NEK11: variants seen among roughly 807,000 people sequenced by gnomAD.
NEK11 encodes serine/threonine-protein kinase Nek11.
A neutral mutation model predicts 80.7 loss-of-function variants in NEK11; 72 were observed. The ratio of observed to expected loss-of-function variants is 0.89; its 90% CI spans 0.74 to 1.08. The LOEUF (loss-of-function observed/expected upper bound fraction) is 1.08, where lower values mean the gene tolerates loss of function less well. NEK11 is among the 50% of genes least tolerant of loss of function. The pLI is 0.00. For synonymous variants in NEK11, 251 were observed against 260.7 expected, an observed-to-expected ratio of 0.96 and a Z score of 0.36; for missense variants, 764 against 763.6, an observed-to-expected ratio of 1.00 and a Z score of -0.01.
At chr3:131,174,699 T>C (rs910110276) in intron 14 of NEK11, 1 of 1,502,010 alleles carries the variant, frequency 6.7e-7, no homozygotes, top group Admixed American at 2.0e-5. Context: ...GCTAATGATA[T>C]CTTGCACATT....
At chr3:131,088,587 T>TA (rs2076322981) in intron 4 of NEK11, among the ~76,000 whole-genome samples, 2 of 152,170 alleles carry the variant, frequency 1.3e-5, no homozygotes, top group African/African-American at 4.8e-5. Flanking sequence ...TGGTTTTTTT[T>TA]TAAAAAACCC....
rs750020337 is a variant in NEK11 at position 131,244,109 on chromosome 3, T to C, written c.1621+613T>C. On this transcript the variant is annotated intron_variant, in intron 16 of 17. Coordinates refer to ENST00000383366, the MANE Select transcript of NEK11 (RefSeq NM_024800.5). ...GAAAAGGGCTGAGATATTTTTTTCT[T>C]CTAAATTTGATTACAAGTTTTTATT... Among the ~76,000 whole-genome samples the C allele has an allele frequency of 4.7e-4, 71 of 151,972 alleles. 1 individual carries two copies. The highest frequency in any genetic ancestry group is 8.8e-5 in the Non-Finnish European group (6 of 67,988).
At chr3:131,265,165 G>T (rs1006617694) in intron 16 of NEK11, among the ~76,000 whole-genome samples, 1 of 152,152 alleles carries the variant, frequency 6.6e-6, no homozygotes, top group Non-Finnish European at 1.5e-5. Context: ...TGCAAACAGA[G>T]ACAATTTGAC....
intron 4 of NEK11, among the ~76,000 whole-genome samples, chr3:131,085,743 T>A (rs2149085568): frequency 6.6e-6 from 1 of 152,284 alleles, no homozygotes; most frequent in Middle Eastern, 3.4e-3. Flanking sequence ...TTAAATACAT[T>A]CCCTAATTTT....
intron 15 of NEK11, among the ~76,000 whole-genome samples, 189 bp downstream of exon 15, chr3:131,228,877 T>A (rs1398330220): frequency 6.6e-6 from 1 of 151,992 alleles, no homozygotes; most frequent in Non-Finnish European, 1.5e-5. Context: ...ATTTGGAGAA[T>A]CTGATCTGGA....
intron 3 of NEK11, among the ~76,000 whole-genome samples, chr3:131,076,263 G>C (rs988392192): frequency 6.6e-6 from 1 of 152,208 alleles, no homozygotes; most frequent in African/African-American, 2.4e-5. Context: ...CATGAAAACA[G>C]CAGTAAGCAA....
At chr3:131,237,262 A>C (rs1385344960) in intron 15 of NEK11, among the ~76,000 whole-genome samples, 1 of 152,096 alleles carries the variant, frequency 6.6e-6, no homozygotes, top group Non-Finnish European at 1.5e-5. Flanking sequence ...CTTGAGCCCA[A>C]GAGGTTGAGG....
intron 3 of NEK11, among the ~76,000 whole-genome samples, chr3:131,069,202 T>A (rs983072208): frequency 6.6e-6 from 1 of 152,162 alleles, no homozygotes; most frequent in African/African-American, 2.4e-5. Context: ...TAATTTTACT[T>A]TAAACAGTGT....
intron 14 of NEK11, among the ~76,000 whole-genome samples, chr3:131,180,987 A>C (rs1036485176): frequency 6.6e-6 from 1 of 152,216 alleles, no homozygotes; most frequent in Admixed American, 6.5e-5. Flanking sequence ...CCAGCTAACG[A>C]AAGTTACTAT....
intron 14 of NEK11, among the ~76,000 whole-genome samples, chr3:131,215,509 A>G (rs989127202): frequency 6.6e-6 from 1 of 152,060 alleles, no homozygotes; most frequent in Non-Finnish European, 1.5e-5. Context: ...TCTCTGGGCA[A>G]GGGGGTTGCC....
chr3:131,057,840 C>G (rs1163214769), intron 3 of NEK11, among the ~76,000 whole-genome samples: 1 of 152,044 alleles, frequency 6.6e-6, no homozygotes, highest in African/African-American at 2.4e-5. Flanking sequence ...TTGTAGGTTG[C>G]CTGTTCACTC....
chr3:131,259,747 A>G (rs1453035619), intron 16 of NEK11, among the ~76,000 whole-genome samples: 1 of 152,080 alleles, frequency 6.6e-6, no homozygotes, highest in Non-Finnish European at 1.5e-5. Context: ...TGCTACTTGG[A>G]GGGGCATGAT....
chr3:131,073,947 G>A (rs2073895669), intron 3 of NEK11, among the ~76,000 whole-genome samples: 2 of 152,120 alleles, frequency 1.3e-5, no homozygotes, highest in South Asian at 4.1e-4. Context: ...GTGAATAATG[G>A]GAATTGGTGG....
intron 4 of NEK11, among the ~76,000 whole-genome samples, chr3:131,097,660 C>T (rs75647538): frequency 6.6e-6 from 1 of 151,466 alleles, no homozygotes; most frequent in Non-Finnish European, 1.5e-5. Context: ...TAAAAGAGGA[C>T]ACAAACAAAT....
intron 3 of NEK11, among the ~76,000 whole-genome samples, chr3:131,050,879 T>TC (rs2068277383): frequency 3.9e-4 from 1 of 2,534 alleles, no homozygotes; most frequent in Non-Finnish European, 3.2e-3. Context: ...TAGTAATAAA[T>TC]AGTGGGCATG....
chr3:131,048,290 C>T (rs1047462461), intron 3 of NEK11, among the ~76,000 whole-genome samples: 29 of 152,168 alleles, frequency 1.9e-4, no homozygotes, highest in Admixed American at 9.2e-4. Flanking sequence ...CCCTATTCGC[C>T]CCCTCCCCCA....
chr3:131,341,623 G>C (rs577719529), intron 17 of NEK11, among the ~76,000 whole-genome samples: 1 of 152,204 alleles, frequency 6.6e-6, no homozygotes, highest in East Asian at 1.9e-4. Context: ...AGCATTGTGA[G>C]AATATATCTG....
chr3:131,046,318 C>T (rs1488917824), intron 3 of NEK11, among the ~76,000 whole-genome samples: 4 of 152,118 alleles, frequency 2.6e-5, no homozygotes, highest in African/African-American at 9.7e-5. Flanking sequence ...TGAATTCTCT[C>T]AGTATTTGTT....
At chr3:131,059,626 G>A (rs1212025633) in intron 3 of NEK11, among the ~76,000 whole-genome samples, 2 of 152,158 alleles carry the variant, frequency 1.3e-5, no homozygotes, top group Non-Finnish European at 2.9e-5. Flanking sequence ...TGAAGTATAT[G>A]CGTTTAATGG....
Sources: allele counts gnomAD v4.1 joint callset (sites outside exome capture counted in the v4.1 genomes callset), GRCh38; gene constraint gnomAD v4.1.1; transcripts MANE v1.5; gene names NCBI Gene and HGNC (gene_info 2026-07-23, HGNC 2026-07-21).